Variants in OPLAH observed in about 807,000 individuals in gnomAD.
The protein encoded by OPLAH is 5-oxoprolinase.
In OPLAH, 103 loss-of-function variants were observed where a neutral mutation model predicts 122.8. The ratio of observed to expected loss-of-function variants is 0.84; its 90% CI spans 0.71 to 0.99. The LOEUF (loss-of-function observed/expected upper bound fraction) is 0.99. Among genes scored for constraint, OPLAH ranks in the 50% least tolerant of loss-of-function variants. The pLI, the probability that OPLAH is intolerant of heterozygous loss-of-function variation, is 0.00. For synonymous variants in OPLAH, 875 were observed against 796.0 expected, an observed-to-expected ratio of 1.10 and a Z score of -1.67; for missense variants, 1,902 against 1,836.5, an observed-to-expected ratio of 1.04 and a Z score of -0.65.
upstream of OPLAH, chr8:144,063,721 T>C (rs1440391286): frequency 6.6e-6 from 1 of 152,474 alleles, no homozygotes; most frequent in African/African-American, 2.4e-5. The surrounding 1 kb of genome is among the most constrained non-coding windows in gnomAD (Gnocchi z 4.2). Context: ...TTCTTGAATT[T>C]GATCGTTCTC....
At position 144,052,756 on chromosome 8, in the gene OPLAH, C is replaced by A. The variant is rs782468694; in HGVS notation, c.3153+10G>T. ...CTGGGGCCCCCCCTCGCGCACACAC[C>A]CCTGCGAACCTGGTTGAGTGGGATG... On this transcript the variant is annotated intron_variant, in intron 22 of 26. Transcript: ENST00000618853. The A allele has an allele frequency of 1.3e-6, 2 of 1,563,976 alleles. No homozygotes were observed. The highest frequency in any genetic ancestry group is 1.7e-6 in the Non-Finnish European group (2 of 1,155,414).
In OPLAH at chr8:144,055,935, T is replaced by C. The variant is rs569818940; in HGVS notation, c.2101A>G (p.Ile701Val). 2 of 1,582,986 alleles carry C rather than the reference T, an allele frequency of 1.3e-6. No homozygotes were observed. The highest frequency in any genetic ancestry group is 2.7e-5 in the African/African-American group (2 of 74,446). Residue 701 changes from isoleucine (I) to valine (V), a missense_variant, in exon 16 of 27, where the codon ATC becomes GTC. Coordinates refer to ENST00000618853, the MANE Select transcript of OPLAH (RefSeq NM_017570.5). This position sits in a 1 kb window ranked among gnomAD's most constrained non-coding sequence, Gnocchi z 6.5. Reference sequence around the variant, plus strand: ...GCCTGGCAACCTGGCTCCACCAGGATGGTGCTGGGGAGCAGAGGGCACAGA... The same window carrying C: ...GCCTGGCAACCTGGCTCCACCAGGACGGTGCTGGGGAGCAGAGGGCACAGA... Reference protein sequence around the residue: ...PCLIIDSNSTILVEPGCQAEV... With the variant: ...PCLIIDSNSTVLVEPGCQAEV...
intron 1 of OPLAH, 91 bp from the exon 2 acceptor site, chr8:144,060,176 A>G (rs782804019): frequency 5.6e-6 from 5 of 897,032 alleles, no homozygotes; most frequent in African/African-American, 1.7e-5. Context: ...TGAGGGAGAG[A>G]CCCACGGGCA....
At chr8:144,051,618 G>T in intron 26 of OPLAH, 111 bp downstream of exon 26, 1 of 1,197,098 alleles carries the variant, frequency 8.4e-7, no homozygotes, top group Non-Finnish European at 1.2e-6. Flanking sequence ...CTTTCCTTCC[G>T]GGGCCAAATT....
chr8:144,058,590 G>A lies in OPLAH; in HGVS notation c.689C>T (p.Pro230Leu), dbSNP rs782395404. Residue 230 changes from proline (P) to leucine (L), a missense_variant, in exon 6 of 27, where the codon CCT becomes CTT. Coordinates refer to ENST00000618853, the MANE Select transcript of OPLAH (RefSeq NM_017570.5). The part of the protein sequence containing the change: ...SEAMPMVRIV[P>L]RGHTACADAY... Reference sequence around the variant, plus strand: ...GTCGGCACAGGCCGTGTGCCCCCGAGGGACGATGCGCACCATGGGCATGGC... The same window carrying A: ...GTCGGCACAGGCCGTGTGCCCCCGAAGGACGATGCGCACCATGGGCATGGC... The A allele has an allele frequency of 3.1e-6, 5 of 1,602,924 alleles. No individual in the cohort carries two copies. Among genetic ancestry groups the A allele is most frequent in the Non-Finnish European group, 4.2e-6 (5 of 1,179,390 alleles).
At chr8:144,051,166 G>T (rs1254848153), downstream of OPLAH, 10 of 1,433,864 alleles carry the variant, frequency 7.0e-6, no homozygotes, top group Non-Finnish European at 9.1e-6. Flanking sequence ...ACGGACCACC[G>T]GGCAGTGCGC....
In OPLAH at chr8:144,058,364, G is replaced by T. The variant is rs782103019; in HGVS notation, c.824C>A (p.Ala275Glu). ...VLFMRSDGGL[A>E]PMDTFSGSSA... Reference sequence around the variant, plus strand: ...GGAGCCGCTGAAGGTGTCCATGGGCGCCAGGCCGCCATCGGAGCGCATGAA... The same window carrying T: ...GGAGCCGCTGAAGGTGTCCATGGGCTCCAGGCCGCCATCGGAGCGCATGAA... The change falls in exon 7 of 27, where the codon GCG becomes GAG. Residue 275 changes from alanine (A) to glutamate (E), a missense_variant. Coordinates refer to ENST00000618853, the MANE Select transcript of OPLAH (RefSeq NM_017570.5). 1.6e-4 allele frequency: 260 copies of T among 1,593,994 alleles called. No individual in the cohort carries two copies. Among genetic ancestry groups the T allele is most frequent in the Non-Finnish European group, 2.1e-4 (244 of 1,173,630 alleles).
Position 144,056,148 on chromosome 8 carries a change from T to C in OPLAH, c.2095A>G (p.Ser699Gly), listed in dbSNP as rs1554758948. 1 of 1,603,016 alleles carries C rather than the reference T, an allele frequency of 6.2e-7. No individual in the cohort carries two copies. Among genetic ancestry groups the C allele is most frequent in the East Asian group, 2.2e-5 (1 of 44,518 alleles). ...HGPCLIIDSN[S>G]TILVEPGCQA... ...CACCCTGGCCGGACTTCAGCCCACCTGTTACTGTCGATGATGAGGCAGGGC... is the reference window on the plus strand; with the variant it reads ...CACCCTGGCCGGACTTCAGCCCACCCGTTACTGTCGATGATGAGGCAGGGC... The change falls in exon 15 of 27, where the codon AGC becomes GGC. Residue 699 changes from serine to glycine, a missense_variant and splice_region_variant. Around this residue, in one of 3 missense-constraint regions of OPLAH, gnomAD observed 1,726 missense variants for 1,642.1 expected, o/e 1.05. Coordinates refer to ENST00000618853, the MANE Select transcript of OPLAH (RefSeq NM_017570.5).
chr8:144,057,473 C>A lies in OPLAH; in HGVS notation c.1397G>T (p.Cys466Phe). The A allele has an allele frequency of 6.3e-7, 1 of 1,591,312 alleles. No homozygotes were observed. The highest frequency in any genetic ancestry group is 8.6e-7 in the Non-Finnish European group (1 of 1,169,424). The stretch of plus-strand genomic sequence containing the variant: ...CTGCGTGAGTGCACGGATGGGCCGG[C>A]ACATGGCCTCGTTGGCCACGCGCAC... ...GFVRVANEAM[C>F]RPIRALTQAR... Residue 466 changes from cysteine (C) to phenylalanine (F), a missense_variant, in exon 10 of 27, where the codon TGC (cysteine) becomes TTC (phenylalanine). By Grantham distance (205) the Cys-to-Phe change is radical. Coordinates refer to ENST00000618853, the MANE Select transcript of OPLAH (RefSeq NM_017570.5).
chr8:144,057,711 C>A lies in OPLAH; in HGVS notation c.1159G>T (p.Gly387Cys). Residue 387 changes from glycine to cysteine, a missense_variant and splice_region_variant, in exon 10 of 27, where the codon GGC (glycine) becomes TGC (cysteine). This residue lies in a region of OPLAH where 1,726 missense variants were observed against 1,642.1 expected (regional missense o/e 1.05). Coordinates refer to ENST00000618853, the MANE Select transcript of OPLAH (RefSeq NM_017570.5). ...TTAGCATCCGTCACTGTCACAGGGC[C>A]CCCTGGGAGGTGGACAGGGTGTGGG... ...HPGPACYRKG[G>C]PVTVTDANLV... 6.2e-7 allele frequency: 1 copy of A among 1,609,136 alleles called. No homozygotes were observed.
chr8:144,050,903 G>A, downstream of OPLAH: 1 of 1,001,612 alleles, frequency 1.0e-6, no homozygotes, highest in Non-Finnish European at 1.2e-6. Flanking sequence ...CGAAGCGCGC[G>A]GAGGGGCCCT....
At chr8:144,061,647 A>G (rs1014413853), upstream of OPLAH, among the ~76,000 whole-genome samples, 5 of 152,248 alleles carry the variant, frequency 3.3e-5, no homozygotes, top group Non-Finnish European at 7.3e-5. Flanking sequence ...CAGCAACGGC[A>G]CGAAGTTACC....
In OPLAH at chr8:144,057,324, G is replaced by A; in HGVS notation, c.1423-4C>T. ...CTGAGGGGTCATGGCCTCTTGCCTAGGGAGACAGAAGGGGTCAGTGGGCTC... is the reference window on the plus strand; with the variant it reads ...CTGAGGGGTCATGGCCTCTTGCCTAAGGAGACAGAAGGGGTCAGTGGGCTC... On this transcript the variant is annotated splice_region_variant and splice_polypyrimidine_tract_variant and intron_variant, in intron 10 of 26. Coordinates refer to ENST00000618853, the MANE Select transcript of OPLAH (RefSeq NM_017570.5). 2 of 1,610,144 alleles carry A rather than the reference G, an allele frequency of 1.2e-6. No homozygotes were observed. Among genetic ancestry groups the A allele is most frequent in the Non-Finnish European group, 1.7e-6 (2 of 1,178,804 alleles).
intron 2 of OPLAH, 29 bp downstream of exon 2, chr8:144,059,833 C>A: frequency 6.2e-7 from 1 of 1,611,668 alleles, no homozygotes; most frequent in Non-Finnish European, 8.5e-7. Flanking sequence ...GCCGTGGGGT[C>A]CCTGTCCACC....
chr8:144,062,410 G>A (rs1835678264), upstream of OPLAH, among the ~76,000 whole-genome samples: 1 of 152,078 alleles, frequency 6.6e-6, no homozygotes, highest in Non-Finnish European at 1.5e-5. Flanking sequence ...GCCCAGCTGA[G>A]GCCCCAGATG....
Position 144,058,862 on chromosome 8 carries a change from A to C in OPLAH, c.498T>G (p.Pro166=). Residue 166 remains proline, a synonymous_variant, in exon 5 of 27, where the codon CCT becomes CCG. Transcript: ENST00000618853. ...TCCCACGCAGGGCCCCCAGGTCCAC[A>C]GGCTGCTGCACTTCCAGCAGGTCCC... The part of the protein sequence containing the change: ...RTGDLLEVQQ[P]VDLGALRGKL... 6.4e-7 allele frequency: 1 copy of C among 1,565,754 alleles called. No individual in the cohort carries two copies. The highest frequency in any genetic ancestry group is 1.2e-5 in the South Asian group (1 of 85,624).
rs375794631 is a variant in OPLAH, at chr8:144,058,787, G to C, written c.573C>G (p.Leu191=). 668 of 1,603,022 alleles carry C rather than the reference G, an allele frequency of 4.2e-4. No individual in the cohort carries two copies. The highest frequency in any genetic ancestry group is 5.1e-4 in the Non-Finnish European group (600 of 1,174,226). The part of the protein sequence containing the change: ...SRGIRSLAVV[L]MHSYTWAQHE... ...ACCTCACTCACGTGTACGAGTGCAT[G>C]AGCACCACAGCCAGGCTGCGGATGC... is the stretch of plus-strand genomic sequence containing the variant. The change falls in exon 5 of 27, where the codon CTC becomes CTG. Residue 191 remains leucine (L), a synonymous_variant. Coordinates refer to ENST00000618853, the MANE Select transcript of OPLAH (RefSeq NM_017570.5).
Position 144,059,729 on chromosome 8 carries a change from C to T in OPLAH, c.233G>A (p.Arg78His), listed in dbSNP as rs782528900. ...PLDSSHIASI[R>H]MGTTVATNAL... ...GTTGGTGGCCACTGTGGTGCCCATGCGGATGCTGGCGATATGACTGGAGTC... is the reference window on the plus strand; with the variant it reads ...GTTGGTGGCCACTGTGGTGCCCATGTGGATGCTGGCGATATGACTGGAGTC... Residue 78 changes from arginine to histidine, a missense_variant, in exon 3 of 27, where the codon CGC becomes CAC. This residue lies in a region of OPLAH where 168 missense variants were observed against 170.6 expected (regional missense o/e 0.98). Coordinates refer to ENST00000618853, the MANE Select transcript of OPLAH (RefSeq NM_017570.5). The T allele has an allele frequency of 1.6e-5, 25 of 1,610,802 alleles. No individual in the cohort carries two copies. Among genetic ancestry groups the T allele is most frequent in the South Asian group, 4.4e-5 (4 of 91,074 alleles).
At chr8:144,056,296 A>G in intron 14 of OPLAH, 37 bp from the exon 15 acceptor site, 1 of 1,598,952 alleles carries the variant, frequency 6.3e-7, no homozygotes, top group South Asian at 1.1e-5. Context: ...GCCCGGGCCC[A>G]GCACCCTCCC....
Sources: gnomAD v4.1 joint callset for allele counts (sites outside exome capture counted in the v4.1 genomes callset) on GRCh38, gnomAD v4.1.1 for gene constraint, gnomAD v4.1.1 regional missense constraint, Gnocchi (gnomAD v3.1) non-coding constraint, MANE v1.5 for transcripts, NCBI Gene and HGNC (gene_info 2026-07-23, HGNC 2026-07-21) for gene names.